PPP2R5C: variants seen among roughly 807,000 people sequenced by gnomAD.
PPP2R5C encodes protein phosphatase 2 regulatory subunit B'gamma.
In PPP2R5C, 7 loss-of-function variants were observed where a neutral mutation model predicts 68.9. The ratio of observed to expected loss-of-function variants is 0.10; its 90% CI spans 0.06 to 0.19. PPP2R5C has a LOEUF of 0.19. Ranked by LOEUF, PPP2R5C falls within the 10% of genes least tolerant of loss-of-function variation. PPP2R5C has a pLI of 1.00. For synonymous variants in PPP2R5C, 210 were observed against 222.2 expected, an observed-to-expected ratio of 0.95 and a Z score of 0.49; for missense variants, 348 against 641.3, an observed-to-expected ratio of 0.54 and a Z score of 4.94.
At chr14:101,761,795 G>C, upstream of PPP2R5C, 1 of 972,340 alleles carries the variant, frequency 1.0e-6, no homozygotes, top group Non-Finnish European at 1.2e-6. Context: ...GGCGGCGGCG[G>C]CGGCGGCCGC....
exon 14 of PPP2R5C, chr14:101,926,382 G>A (rs1177204808): frequency 2.6e-5 from 4 of 152,668 alleles, no homozygotes; most frequent in Non-Finnish European, 5.9e-5. Flanking sequence ...TCAACACCTT[G>A]TAAGGAAAAT....
chr14:101,837,778 C>G (rs2041207835), intron 1 of PPP2R5C, among the ~76,000 whole-genome samples: 1 of 152,176 alleles, frequency 6.6e-6, no homozygotes, highest in Admixed American at 6.5e-5. Context: ...GTTGAAAGCA[C>G]TATTCTAAGC....
At chr14:101,809,067 T>C (rs191571654), upstream of PPP2R5C, among the ~76,000 whole-genome samples, 1 of 152,250 alleles carries the variant, frequency 6.6e-6, no homozygotes, top group African/African-American at 2.4e-5. Flanking sequence ...TTAAACAAAA[T>C]ATCTAAAACT....
rs1595279293 is a variant in PPP2R5C at position 101,825,211 on chromosome 14, C to T, written c.94+15175C>T. Among the ~76,000 whole-genome samples the T allele has an allele frequency of 1.4e-5, 2 of 143,004 alleles. No homozygotes were observed. The highest frequency in any genetic ancestry group is 3.1e-5 in the Non-Finnish European group (2 of 65,236). 93.8% of individuals were successfully genotyped at this position (143,004 alleles called of 152,430 possible). On this transcript the variant is annotated intron_variant, in intron 1 of 13. Transcript: ENST00000334743. This position sits in a 1 kb window ranked among gnomAD's most constrained non-coding sequence, Gnocchi z 4.0. Reference sequence around the variant, plus strand: ...AGGGATAGGATAAGAGGGTTTTCAGCGTGTGTGTGTGTGTGTGTGTGTGTG... The same window carrying T: ...AGGGATAGGATAAGAGGGTTTTCAGTGTGTGTGTGTGTGTGTGTGTGTGTG...
rs950223121 is a variant in PPP2R5C at position 101,825,051 on chromosome 14, G to C, written c.94+15015G>C. ...AGCAGCCGAGAGCAGTTAAGTGGAA[G>C]GCAAGACGCAGCAGTGGCTTCTCAC... On this transcript the variant is annotated intron_variant, in intron 1 of 13. Coordinates refer to ENST00000334743, the Ensembl canonical transcript of PPP2R5C. This position sits in a 1 kb window ranked among gnomAD's most constrained non-coding sequence, Gnocchi z 4.0. 6.6e-6 allele frequency: 1 copy of C among 152,254 alleles called. No individual in the cohort carries two copies. Among genetic ancestry groups the C allele is most frequent in the African/African-American group, 2.4e-5 (1 of 41,430 alleles). 9.4% of individuals were successfully genotyped at this position (152,254 alleles called of 1,614,324 possible).
chr14:101,923,395 A>G (rs572941260), intron 13 of PPP2R5C, among the ~76,000 whole-genome samples: 24 of 152,246 alleles, frequency 1.6e-4, no homozygotes, highest in African/African-American at 5.5e-4. Context: ...GTAATTACAT[A>G]TTTCAAGTAT....
chr14:101,897,063 G>T (rs377413312), intron 8 of PPP2R5C, among the ~76,000 whole-genome samples: 26 of 152,162 alleles, frequency 1.7e-4, no homozygotes, highest in African/African-American at 6.3e-4. Context: ...AGCTGGGCCC[G>T]CCCTGTCCTG....
intron 7 of PPP2R5C, 98 bp downstream of exon 9, chr14:101,893,206 T>C (rs1055508459): frequency 5.2e-6 from 4 of 776,626 alleles, no homozygotes; most frequent in Non-Finnish European, 8.5e-6. Context: ...TGCTTTCTTC[T>C]TTATAGGCCT....
intron 3 of PPP2R5C, among the ~76,000 whole-genome samples, chr14:101,800,194 A>C (rs987593002): frequency 3.3e-5 from 5 of 152,130 alleles, no homozygotes; most frequent in Non-Finnish European, 7.4e-5. Context: ...GGTTTCAGTG[A>C]GCTGTGATCG....
At chr14:101,766,995 A>G (rs745340977) in intron 2 of PPP2R5C, 4 of 152,214 alleles carry the variant, frequency 2.6e-5, no homozygotes, top group Non-Finnish European at 5.9e-5. Flanking sequence ...TGCTTTTTGT[A>G]AAGTGATTCG....
chr14:101,792,767 T>G (rs1314149461), intron 3 of PPP2R5C, among the ~76,000 whole-genome samples: 1 of 152,142 alleles, frequency 6.6e-6, no homozygotes, highest in African/African-American at 2.4e-5. Context: ...TTTGTTTTTG[T>G]TTTTTTACAT....
chr14:101,922,500 T>A (rs958901144), intron 13 of PPP2R5C, among the ~76,000 whole-genome samples: 1 of 98,530 alleles, frequency 1.0e-5, no homozygotes, highest in African/African-American at 7.7e-5. Flanking sequence ...AAAATAAATA[T>A]AAAATAATTT....
intron 1 of PPP2R5C, among the ~76,000 whole-genome samples, chr14:101,821,997 T>C (rs1235270012): frequency 6.6e-6 from 1 of 152,134 alleles, no homozygotes; most frequent in Non-Finnish European, 1.5e-5. Flanking sequence ...GAGAACATCA[T>C]TGACGCTTTT....
intron 2 of PPP2R5C, chr14:101,765,381 C>T: frequency 1.6e-6 from 1 of 637,074 alleles, no homozygotes; most frequent in Non-Finnish European, 2.8e-6. Context: ...TTTTTTTTCC[C>T]CTCAGTCTTC....
At chr14:101,808,090 A>AGAG (rs1337460190), upstream of PPP2R5C, among the ~76,000 whole-genome samples, 22 of 150,616 alleles carry the variant, frequency 1.5e-4, no homozygotes, top group African/African-American at 2.7e-4. Context: ...GGCATCACTC[A>AGAG]GAGGAGGAGG....
chr14:101,780,593 G>C (rs1201456390), intron 2 of PPP2R5C, among the ~76,000 whole-genome samples: 1 of 152,100 alleles, frequency 6.6e-6, no homozygotes, highest in South Asian at 2.1e-4. Flanking sequence ...ATTCCCCCAC[G>C]TTCCCTGGTT....
At chr14:101,810,006 T>C (rs1202035507) in exon 1 of PPP2R5C, 1 of 1,614,024 alleles carries the variant, frequency 6.2e-7, no homozygotes, top group Non-Finnish European at 8.5e-7. Flanking sequence ...CAATGGGCCT[T>C]TCCAGCCCGT....
chr14:101,895,128 T>C (rs79061398), intron 8 of PPP2R5C, among the ~76,000 whole-genome samples: 5,427 of 152,250 alleles, frequency 0.036, 207 homozygotes, highest in East Asian at 0.098. Flanking sequence ...CATTTTATGT[T>C]TATTAAAATA....
intron 3 of PPP2R5C, among the ~76,000 whole-genome samples, chr14:101,804,124 C>G (rs914812075): frequency 2.0e-5 from 3 of 152,156 alleles, no homozygotes; most frequent in African/African-American, 7.2e-5. Context: ...TGAAAAGGTG[C>G]TCAACATCAT....
Sources: allele counts gnomAD v4.1 joint callset (sites outside exome capture counted in the v4.1 genomes callset), GRCh38; gene constraint gnomAD v4.1.1; non-coding constraint Gnocchi (gnomAD v3.1); transcripts MANE v1.5; gene names NCBI Gene and HGNC (gene_info 2026-07-23, HGNC 2026-07-21).